Variants in DNAH11 observed in about 807,000 individuals in gnomAD.
DNAH11 encodes the protein axonemal beta dynein heavy chain 11.
DNAH11 carries 442 observed loss-of-function variants against 526.0 expected under a neutral mutation model. That is an observed-to-expected ratio of 0.84 (90% confidence interval 0.78 to 0.91). The LOEUF (loss-of-function observed/expected upper bound fraction) is 0.91. Ranked by LOEUF, DNAH11 falls within the 40% of genes least tolerant of loss-of-function variation. The pLI, the probability that DNAH11 is intolerant of heterozygous loss-of-function variation, is 0.00. For synonymous variants in DNAH11, 2,461 were observed against 1,935.9 expected (o/e 1.27, Z -7.12); for missense variants, 6,989 against 5,448.7 (o/e 1.28, Z -8.90).
intron 45 of DNAH11, among the ~76,000 whole-genome samples, chr7:21,729,465 A>G (rs923954915): frequency 6.6e-6 from 1 of 152,178 alleles, no homozygotes; most frequent in African/African-American, 2.4e-5. Context: ...CAAATCTTTA[A>G]GTTCTAGTTC....
In DNAH11 at chr7:21,705,540, A is replaced by G. The variant is rs768095172; in HGVS notation, c.6546+3A>G. On this transcript the variant is annotated splice_donor_region_variant and intron_variant, in intron 39 of 81. Coordinates refer to ENST00000409508, the MANE Select transcript of DNAH11 (RefSeq NM_001277115.2). ...ATGCAGGCACAGGAAAGAGTAAGGT[A>G]TAGTAAATTGCCTAATAGCTTACAG... 1.9e-6 allele frequency: 3 copies of G among 1,613,218 alleles called. No individual in the cohort carries two copies. Among genetic ancestry groups the G allele is most frequent in the Non-Finnish European group, 2.5e-6 (3 of 1,179,358 alleles).
intron 76 of DNAH11, among the ~76,000 whole-genome samples, chr7:21,890,508 C>G (rs1274332664): frequency 1.3e-5 from 2 of 152,198 alleles, no homozygotes; most frequent in African/African-American, 4.8e-5. Flanking sequence ...GACAGATTAA[C>G]TGTGGCTTCT....
At chr7:21,895,980 C>T (rs1331213965) in intron 79 of DNAH11, among the ~76,000 whole-genome samples, 4 of 152,182 alleles carry the variant, frequency 2.6e-5, no homozygotes, top group Non-Finnish European at 4.4e-5. Context: ...CTGCCCGCCT[C>T]AGCCTCCCAA....
chr7:21,839,937 C>T (rs2128014876), intron 65 of DNAH11, among the ~76,000 whole-genome samples: 1 of 152,282 alleles, frequency 6.6e-6, no homozygotes, highest in South Asian at 2.1e-4. Context: ...ATTCAGGCAA[C>T]AAAAGCTTTA....
rs1784442524 is a variant in DNAH11 at position 21,710,914 on chromosome 7, C to A, written c.6834+211C>A. Among the ~76,000 whole-genome samples, 5 of 152,248 alleles carry A rather than the reference C, an allele frequency of 3.3e-5. No homozygotes were observed. The South Asian group carries it at 1.0e-3, about 32-fold the overall frequency. On this transcript the variant is annotated intron_variant, in intron 41 of 81. Coordinates refer to ENST00000409508, the MANE Select transcript of DNAH11 (RefSeq NM_001277115.2). ...TATGTTCTCTTTGTTTCTTTGAATT[C>A]AGCCACCTTTACTGAGAGTTAGATA...
At chr7:21,752,042 A>G (rs1786436986) in intron 54 of DNAH11, among the ~76,000 whole-genome samples, 1 of 152,250 alleles carries the variant, frequency 6.6e-6, no homozygotes. Flanking sequence ...CATTTTCTCC[A>G]ACTCCAAGCC....
chr7:21,662,512 A>G (rs1782277402), intron 30 of DNAH11, among the ~76,000 whole-genome samples: 1 of 152,158 alleles, frequency 6.6e-6, no homozygotes, highest in African/African-American at 2.4e-5. Context: ...AATACTGTGT[A>G]TATTTATGTG....
intron 46 of DNAH11, among the ~76,000 whole-genome samples, chr7:21,736,687 A>T (rs1785625669): frequency 6.6e-6 from 1 of 151,910 alleles, no homozygotes; most frequent in African/African-American, 2.4e-5. Flanking sequence ...TATGAATGGA[A>T]CCCTTAGAAA....
chr7:21,764,276 A>G (rs1230988016), intron 54 of DNAH11, among the ~76,000 whole-genome samples: 3 of 101,308 alleles, frequency 3.0e-5, no homozygotes, highest in Admixed American at 2.9e-4. Flanking sequence ...ACAATAAAAC[A>G]CTTGTTAAAT....
chr7:21,604,615 C>T (rs1392844443), intron 18 of DNAH11, among the ~76,000 whole-genome samples: 1 of 152,180 alleles, frequency 6.6e-6, no homozygotes, highest in Non-Finnish European at 1.5e-5. Context: ...GTCACCTCCT[C>T]CTTGAGTGGA....
At chr7:21,802,567 C>T (rs1182091610) in intron 62 of DNAH11, among the ~76,000 whole-genome samples, 1 of 152,164 alleles carries the variant, frequency 6.6e-6, no homozygotes, top group Non-Finnish European at 1.5e-5. Context: ...AAACAACCCA[C>T]ATGTCCCTTA....
chr7:21,728,653 G>T (rs1251730525), intron 45 of DNAH11, among the ~76,000 whole-genome samples: 1 of 152,098 alleles, frequency 6.6e-6, no homozygotes, highest in Non-Finnish European at 1.5e-5. Context: ...TCATCTATCA[G>T]TTCATTTCAT....
At chr7:21,790,366 C>T (rs903887950) in intron 61 of DNAH11, among the ~76,000 whole-genome samples, 15 of 151,988 alleles carry the variant, frequency 9.9e-5, no homozygotes, top group African/African-American at 3.4e-4. Flanking sequence ...AGGAGAATGG[C>T]GTGAACCCAG....
chr7:21,835,396 A>G (rs779707469), intron 65 of DNAH11, among the ~76,000 whole-genome samples: 6 of 152,178 alleles, frequency 3.9e-5, no homozygotes, highest in Admixed American at 6.5e-5. Context: ...TCAACAGCAC[A>G]TTAAAAAGAT....
At chr7:21,877,611 C>A (rs944673050) in intron 74 of DNAH11, among the ~76,000 whole-genome samples, 1 of 151,752 alleles carries the variant, frequency 6.6e-6, no homozygotes, top group South Asian at 2.1e-4. Context: ...CACGGTGGCT[C>A]ACGCCTGTAA....
At chr7:21,827,030 C>T (rs1170161070) in intron 65 of DNAH11, among the ~76,000 whole-genome samples, 2 of 152,202 alleles carry the variant, frequency 1.3e-5, no homozygotes, top group African/African-American at 2.4e-5. Context: ...TTACTCCTTT[C>T]ATGTCTGACA....
intron 74 of DNAH11, among the ~76,000 whole-genome samples, chr7:21,875,617 C>T (rs1052748914): frequency 2.6e-5 from 4 of 152,118 alleles, no homozygotes; most frequent in African/African-American, 9.7e-5. Context: ...GCTATGATCA[C>T]ACCACTGTGC....
intron 61 of DNAH11, among the ~76,000 whole-genome samples, chr7:21,794,477 T>C (rs186420941): frequency 6.6e-6 from 1 of 152,328 alleles, no homozygotes; most frequent in African/African-American, 2.4e-5. Context: ...ATATGGAACA[T>C]TAAGCTCAGG....
chr7:21,872,552 A>G (rs941014608), intron 73 of DNAH11, among the ~76,000 whole-genome samples: 2 of 152,204 alleles, frequency 1.3e-5, no homozygotes, highest in South Asian at 2.1e-4. Flanking sequence ...TGCAGCCTTT[A>G]TATCTCCCTC....
Sources: gnomAD v4.1 joint callset for allele counts (sites outside exome capture counted in the v4.1 genomes callset) on GRCh38, gnomAD v4.1.1 for gene constraint, MANE v1.5 for transcripts, NCBI Gene and HGNC (gene_info 2026-07-23, HGNC 2026-07-21) for gene names.